The following ATP13A5 variants were observed in gnomAD, a reference collection of about 807,000 sequenced individuals.
The protein encoded by ATP13A5 is ATPase 13A5, also known as probable cation-transporting ATPase 13A5.
A neutral mutation model predicts 150.2 loss-of-function variants in ATP13A5; 149 were observed. That is an observed-to-expected ratio of 0.99 (90% CI 0.87 to 1.14). The LOEUF (loss-of-function observed/expected upper bound fraction) is 1.14, where lower values mean the gene tolerates loss of function less well. Ranked by LOEUF, ATP13A5 falls within the 50% of genes most tolerant of loss-of-function variation. The probability of loss-of-function intolerance (pLI) is 0.00; values close to 1 mark genes in which losing one functional copy is unlikely to be tolerated. For missense variants in ATP13A5, 1,383 were observed against 1,449.3 expected, an observed-to-expected ratio of 0.95 and a Z score of 0.74; for synonymous variants, 497 against 522.2, an observed-to-expected ratio of 0.95 and a Z score of 0.66.
rs1277372440 is a variant in ATP13A5, at chr3:193,343,950, A to G, written c.920T>C (p.Val307Ala). 6.2e-7 allele frequency: 1 copy of G among 1,613,270 alleles called. No individual in the cohort carries two copies. Among genetic ancestry groups the G allele is most frequent in the Admixed American group, 1.7e-5 (1 of 59,938 alleles). Residue 307 changes from valine (V) to alanine (A), a missense_variant, in exon 9 of 30, where the codon GTG becomes GCG. Physicochemically the swap from Val to Ala is moderately conservative, Grantham distance 64. Coordinates refer to ENST00000342358, the MANE Select transcript of ATP13A5 (RefSeq NM_198505.4). Reference protein sequence around the residue: ...CDAVLIDGSCVVNEGMLTGES... With the variant: ...CDAVLIDGSCAVNEGMLTGES... Reference sequence around the variant, plus strand: ...ACCTGTAAGCATGCCTTCATTCACCACGCAGCTTCCATCAATCAAAACAGC... The same window carrying G: ...ACCTGTAAGCATGCCTTCATTCACCGCGCAGCTTCCATCAATCAAAACAGC...
chr3:193,317,179 C>T (rs987064666), intron 17 of ATP13A5, among the ~76,000 whole-genome samples: 4 of 152,264 alleles, frequency 2.6e-5, no homozygotes, highest in East Asian at 3.9e-4. Flanking sequence ...TGGATATCTG[C>T]GTGTCTTTCT....
chr3:193,316,455 G>A (rs1242265611), intron 17 of ATP13A5, among the ~76,000 whole-genome samples: 2 of 151,976 alleles, frequency 1.3e-5, no homozygotes, highest in Non-Finnish European at 2.9e-5. Context: ...TTTTACAAAG[G>A]TTCTAATTTC....
intron 8 of ATP13A5, among the ~76,000 whole-genome samples, chr3:193,344,560 C>A (rs1452247580): frequency 6.6e-6 from 1 of 152,132 alleles, no homozygotes; most frequent in Non-Finnish European, 1.5e-5. Context: ...CCATTCAGGC[C>A]CAGGTTCCAG....
At chr3:193,362,518 T>C in intron 4 of ATP13A5, 49 bp downstream of exon 4, 4 of 1,613,070 alleles carry the variant, frequency 2.5e-6, no homozygotes, top group Non-Finnish European at 3.4e-6. Context: ...AACAAATCAG[T>C]GTTTTTCCCC....
intron 1 of ATP13A5, among the ~76,000 whole-genome samples, chr3:193,377,463 G>C (rs1423472093): frequency 1.3e-5 from 2 of 152,102 alleles, no homozygotes; most frequent in African/African-American, 4.8e-5. Context: ...TTATTAATAA[G>C]ATGTTTTACT....
chr3:193,277,571 C>T (rs897660953), intron 28 of ATP13A5: 2 of 152,234 alleles, frequency 1.3e-5, no homozygotes, highest in African/African-American at 4.8e-5. Context: ...ATGCTTATCC[C>T]TAATTCTCAC....
At chr3:193,326,584 A>T (rs1223967908) in intron 13 of ATP13A5, among the ~76,000 whole-genome samples, 1 of 152,232 alleles carries the variant, frequency 6.6e-6, no homozygotes, top group East Asian at 1.9e-4. Context: ...CTGCCTTAAT[A>T]GTAACAATTT....
At chr3:193,335,535 T>C (rs1038816652) in intron 9 of ATP13A5, among the ~76,000 whole-genome samples, 8 of 152,222 alleles carry the variant, frequency 5.3e-5, no homozygotes, top group Non-Finnish European at 1.2e-4. Flanking sequence ...TAGGTGCTTA[T>C]TCTGTTCCAG....
chr3:193,307,198 G>A, intron 22 of ATP13A5, 129 bp downstream of exon 22: 5 of 1,546,856 alleles, frequency 3.2e-6, no homozygotes, highest in Non-Finnish European at 4.4e-6. Context: ...AGGTAGAGGT[G>A]GATATAAACA....
At chr3:193,324,802 C>G (rs750555302) in intron 14 of ATP13A5, 62 bp downstream of exon 14, 1 of 1,560,518 alleles carries the variant, frequency 6.4e-7, no homozygotes, top group Admixed American at 1.8e-5. Context: ...ATTAGAAAAG[C>G]TTCAGCACTC....
At chr3:193,365,234 T>C (rs191096328) in intron 1 of ATP13A5, among the ~76,000 whole-genome samples, 1 of 152,274 alleles carries the variant, frequency 6.6e-6, no homozygotes, top group East Asian at 1.9e-4. Context: ...AGGACTATCA[T>C]GTTTAGAAAC....
intron 9 of ATP13A5, among the ~76,000 whole-genome samples, chr3:193,338,832 T>C (rs1028129071): frequency 3.3e-5 from 5 of 152,210 alleles, no homozygotes; most frequent in Non-Finnish European, 7.3e-5. Flanking sequence ...CTTGTACCTC[T>C]GGTAGAATTC....
chr3:193,303,354 C>G (rs1718478718), intron 23 of ATP13A5, among the ~76,000 whole-genome samples: 1 of 152,202 alleles, frequency 6.6e-6, no homozygotes, highest in African/African-American at 2.4e-5. Flanking sequence ...TCACACTCAA[C>G]TGCCAGAACA....
chr3:193,333,873 G>A lies in ATP13A5; in HGVS notation c.1149C>T (p.Ser383=). The part of the protein sequence containing the change: ...YNTAKGDLVR[S]ILYPRPLNFK... ...AGTTCAGAGGCCGGGGGTACAGGAT[G>A]GATCTCACTAAGTCCCCTTTGGCTG... Residue 383 remains serine, a synonymous_variant, in exon 11 of 30, where the codon TCC becomes TCT. Transcript: ENST00000342358. The A allele has an allele frequency of 6.2e-7, 1 of 1,613,788 alleles. No homozygotes were observed. The highest frequency in any genetic ancestry group is 8.5e-7 in the Non-Finnish European group (1 of 1,179,832).
intron 14 of ATP13A5, 112 bp from the exon 15 acceptor site, chr3:193,322,686 C>A: frequency 1.3e-6 from 1 of 743,580 alleles, no homozygotes; most frequent in Non-Finnish European, 2.2e-6. Context: ...TACATATTTT[C>A]TCTTCCAGGC....
intron 24 of ATP13A5, among the ~76,000 whole-genome samples, chr3:193,300,637 A>C (rs1402117581): frequency 2.0e-5 from 3 of 152,192 alleles, no homozygotes; most frequent in Admixed American, 6.5e-5. Context: ...GCTTATACAT[A>C]GTTCTTCTGT....
intron 17 of ATP13A5, among the ~76,000 whole-genome samples, chr3:193,317,271 CT>C (rs1560129635): frequency 6.6e-6 from 1 of 152,166 alleles, no homozygotes; most frequent in African/African-American, 2.4e-5. Flanking sequence ...CATTCTCTGT[CT>C]TTTTTAAAAA....
At chr3:193,343,218 TG>T (rs1473501568) in intron 9 of ATP13A5, among the ~76,000 whole-genome samples, 1 of 152,208 alleles carries the variant, frequency 6.6e-6, no homozygotes, top group Non-Finnish European at 1.5e-5. Flanking sequence ...TCTGTGTTGC[TG>T]TATAGTCTCT....
At chr3:193,340,729 A>G (rs1196580461) in intron 9 of ATP13A5, among the ~76,000 whole-genome samples, 4 of 152,240 alleles carry the variant, frequency 2.6e-5, no homozygotes, top group Admixed American at 1.3e-4. Flanking sequence ...TATTTAAGGC[A>G]TTAAATTTAT....
Sources: gnomAD v4.1 joint callset for allele counts (sites outside exome capture counted in the v4.1 genomes callset) on GRCh38, gnomAD v4.1.1 for gene constraint, MANE v1.5 for transcripts, NCBI Gene and HGNC (gene_info 2026-07-23, HGNC 2026-07-21) for gene names.